Variants in WTAP observed in about 807,000 individuals in gnomAD.
WTAP encodes the protein WT1 associated protein.
WTAP carries 8 observed loss-of-function variants against 50.0 expected under a neutral mutation model. That is an observed-to-expected ratio of 0.16 (90% CI 0.09 to 0.29). The LOEUF (loss-of-function observed/expected upper bound fraction) is 0.29, where lower values mean the gene tolerates loss of function less well. Among genes scored for constraint, WTAP ranks in the 10% least tolerant of loss-of-function variants. The pLI, the probability that WTAP is intolerant of heterozygous loss-of-function variation, is 1.00. For missense variants in WTAP, 295 were observed against 470.7 expected, an observed-to-expected ratio of 0.63 and a Z score of 3.45; for synonymous variants, 194 against 169.0, an observed-to-expected ratio of 1.15 and a Z score of -1.15.
intron 5 of WTAP, among the ~76,000 whole-genome samples, chr6:159,747,705 T>C (rs1562464288): frequency 6.6e-6 from 1 of 152,198 alleles, no homozygotes; most frequent in Non-Finnish European, 1.5e-5. Context: ...CATTAACTCT[T>C]AGGTAATTAA....
intron 1 of WTAP, among the ~76,000 whole-genome samples, chr6:159,732,272 T>C (rs1778620381): frequency 6.6e-6 from 1 of 152,180 alleles, no homozygotes; most frequent in South Asian, 2.1e-4. Context: ...ACAGCATCCA[T>C]GATACTTTAG....
At chr6:159,727,763 T>A in intron 1 of WTAP, 60 bp downstream of exon 1, 1 of 974,002 alleles carries the variant, frequency 1.0e-6, no homozygotes, top group Non-Finnish European at 1.2e-6. Flanking sequence ...TGAGGGCTGA[T>A]GCGCAGCCGC....
intron 1 of WTAP, chr6:159,730,780 A>G (rs915203266): frequency 2.0e-5 from 3 of 152,204 alleles, no homozygotes; most frequent in Non-Finnish European, 4.4e-5. Flanking sequence ...AAGTGTAGAC[A>G]TTTATCCAAA....
chr6:159,743,079 G>C (rs554760101), intron 4 of WTAP, among the ~76,000 whole-genome samples: 70 of 152,188 alleles, frequency 4.6e-4, no homozygotes, highest in African/African-American at 1.7e-3. Flanking sequence ...ACAGGGTCTC[G>C]CACTGTTGCC....
intron 1 of WTAP, among the ~76,000 whole-genome samples, chr6:159,728,827 T>G (rs576535101): frequency 2.6e-5 from 4 of 152,226 alleles, no homozygotes; most frequent in Non-Finnish European, 5.9e-5. Context: ...TTTTATATGT[T>G]AAGGTATCTT....
In WTAP at chr6:159,755,687, T is replaced by A. The variant is rs1779976276; in HGVS notation, c.*76T>A. The stretch of plus-strand genomic sequence containing the variant: ...CTGTCCAGAAAATTAATGCATACTT[T>A]TGTCACAATTTGCCTTTTTGTGGGT... On this transcript the variant is annotated 3_prime_UTR_variant, in exon 8 of 8. Transcript: ENST00000621533. 1.5e-6 allele frequency: 2 copies of A among 1,339,172 alleles called. No individual in the cohort carries two copies. Among genetic ancestry groups the A allele is most frequent in the East Asian group, 5.5e-5 (2 of 36,208 alleles). 83.0% of individuals were successfully genotyped at this position (1,339,172 alleles called of 1,614,324 possible).
At chr6:159,726,951 G>T, upstream of WTAP, 2 of 1,287,760 alleles carry the variant, frequency 1.6e-6, no homozygotes, top group Non-Finnish European at 2.0e-6. Flanking sequence ...CATCACGGAT[G>T]AGCGTCACGA....
Position 159,727,659 on chromosome 6 carries a change from C to G in WTAP, c.-53C>G. On this transcript the variant is annotated 5_prime_UTR_variant, in exon 1 of 8. Transcript: ENST00000621533. ...GGCGGCAGGGCAAGCAGCGCGGCCT[C>G]GGCCTATGCGACCGGTGGCGCCGGC... The G allele has an allele frequency of 1.0e-6, 1 of 985,586 alleles. No individual in the cohort carries two copies. The highest frequency in any genetic ancestry group is 1.2e-6 in the Non-Finnish European group (1 of 830,322). 61.1% of individuals were successfully genotyped at this position (985,586 alleles called of 1,614,324 possible).
upstream of WTAP, chr6:159,727,192 G>C: frequency 8.1e-7 from 1 of 1,231,528 alleles, no homozygotes; most frequent in Non-Finnish European, 1.0e-6. Context: ...GACGGGGAGT[G>C]TTACCGGGGA....
chr6:159,729,881 C>T (rs1419955634), intron 1 of WTAP, among the ~76,000 whole-genome samples: 2 of 152,154 alleles, frequency 1.3e-5, no homozygotes, highest in African/African-American at 4.8e-5. Flanking sequence ...AGTTACCTAA[C>T]TTTATGATGC....
At position 159,748,768 on chromosome 6, in the gene WTAP, T is replaced by G; in HGVS notation, c.452+399T>G. ...TTTGAAGGAATGAAAACCTAGAGAT[T>G]TTAAATCATGAATTGAACATGTAAA... On this transcript the variant is annotated intron_variant, in intron 6 of 7. Coordinates refer to ENST00000621533, the MANE Select transcript of WTAP (RefSeq NM_001270531.2). The surrounding 1 kb of genome is among the most constrained non-coding windows in gnomAD (Gnocchi z 5.6). The G allele has an allele frequency of 9.7e-6, 12 of 1,234,968 alleles. No homozygotes were observed. The highest frequency in any genetic ancestry group is 1.2e-5 in the Non-Finnish European group (12 of 989,902). The allele number at this position is 1,234,968 out of a possible 1,614,324, so 76.5% of individuals were successfully genotyped here. A position where few individuals can be genotyped will look rare whatever the true frequency, so the allele number is the denominator to read the frequency against.
Position 159,727,616 on chromosome 6 carries a change from G to T in WTAP, c.-96G>T, listed in dbSNP as rs1778272023. 1 of 986,232 alleles carries T rather than the reference G, an allele frequency of 1.0e-6. No homozygotes were observed. Among genetic ancestry groups the T allele is most frequent in the Admixed American group, 6.2e-5 (1 of 16,208 alleles). The allele number at this position is 986,232 out of a possible 1,614,324, so 61.1% of individuals were successfully genotyped here. On this transcript the variant is annotated 5_prime_UTR_variant, in exon 1 of 8. Transcript: ENST00000621533. ...CGGCGGCAGAGCTGTCCGGCTGCGC[G>T]GTGGCCCGGGGGGCCCGGGCGGCAG...
At position 159,755,769 on chromosome 6, in the gene WTAP, T is replaced by C. The variant is rs1440714772; in HGVS notation, c.*158T>C. 3 of 749,714 alleles carry C rather than the reference T, an allele frequency of 4.0e-6. No homozygotes were observed. The highest frequency in any genetic ancestry group is 3.4e-6 in the Non-Finnish European group (2 of 585,238). The allele number at this position is 749,714 out of a possible 1,614,324, so 46.4% of individuals were successfully genotyped here. On this transcript the variant is annotated 3_prime_UTR_variant, in exon 8 of 8. Transcript: ENST00000621533. ...TCTTTGTTTTTTTTTTCTTTTCTTT[T>C]TTTTTTTTTTTTTTTTTTTTTGCTT...
At position 159,748,853 on chromosome 6, in the gene WTAP, A is replaced by G. The variant is rs1583102631; in HGVS notation, c.452+484A>G. On this transcript the variant is annotated intron_variant, in intron 6 of 7. Transcript: ENST00000621533. The surrounding 1 kb of genome is among the most constrained non-coding windows in gnomAD (Gnocchi z 5.6). Reference sequence around the variant, plus strand: ...CTCTTAACCTTGAGCATAGTGACTTAGAGACACTGTGTATCAGTTTTGCCA... The same window carrying G: ...CTCTTAACCTTGAGCATAGTGACTTGGAGACACTGTGTATCAGTTTTGCCA... 4 of 1,215,964 alleles carry G rather than the reference A, an allele frequency of 3.3e-6. No individual in the cohort carries two copies. In the East Asian group the frequency reaches 1.3e-4, roughly 40 times the overall value. The allele number at this position is 1,215,964 out of a possible 1,614,324, so 75.3% of individuals were successfully genotyped here.
chr6:159,744,784 A>T (rs1286283329), intron 5 of WTAP, among the ~76,000 whole-genome samples: 1 of 152,066 alleles, frequency 6.6e-6, no homozygotes, highest in Admixed American at 6.6e-5. Flanking sequence ...CAGTGGTGTA[A>T]TCACACCTCA....
chr6:159,751,725 G>A lies in WTAP; in HGVS notation c.453-1735G>A, dbSNP rs548505356. ...GGTTGAACTCTTCAGGTATTTTCTG[G>A]AAGAAAGCTTAATTACAAACTTTTC... On this transcript the variant is annotated intron_variant, in intron 6 of 7. Coordinates refer to ENST00000621533, the MANE Select transcript of WTAP (RefSeq NM_001270531.2). Among the ~76,000 whole-genome samples the A allele has an allele frequency of 4.6e-5, 7 of 152,284 alleles. No homozygotes were observed. In the East Asian group the frequency reaches 7.7e-4, roughly 17 times the overall value.
In WTAP at chr6:159,755,760, C is replaced by CTTTTTTTTTT. The variant is rs1779984995; in HGVS notation, c.*153_*154insTTTTTTTTTT. ...TGTTTTTTTTCTTTGTTTTTTTTTTCTTTTCTTTTTTTTTTTTTTTTTTTT... is the reference window on the plus strand; with the variant it reads ...TGTTTTTTTTCTTTGTTTTTTTTTTCTTTTTTTTTTTTTTCTTTTTTTTTTTTTTTTTTTT... On this transcript the variant is annotated 3_prime_UTR_variant, in exon 8 of 8. Transcript: ENST00000621533. 3.8e-5 allele frequency: 11 copies of CTTTTTTTTTT among 286,806 alleles called. No homozygotes were observed. The highest frequency in any genetic ancestry group is 2.5e-4 in the African/African-American group (5 of 20,040). The allele number at this position is 286,806 out of a possible 1,614,324, so 17.8% of individuals were successfully genotyped here.
At chr6:159,739,996 G>T (rs563625503) in intron 3 of WTAP, among the ~76,000 whole-genome samples, 74 of 150,920 alleles carry the variant, frequency 4.9e-4, no homozygotes, top group African/African-American at 1.4e-3. Context: ...TCAATGCTGG[G>T]TTTTTTTTTG....
chr6:159,752,405 TTTA>T (rs1779854328), intron 6 of WTAP, among the ~76,000 whole-genome samples: 1 of 152,208 alleles, frequency 6.6e-6, no homozygotes, highest in Non-Finnish European at 1.5e-5. Context: ...AATTTCTCCT[TTTA>T]TTGCTGAGGC....
Sources: gnomAD v4.1 joint callset for allele counts (sites outside exome capture counted in the v4.1 genomes callset) on GRCh38, gnomAD v4.1.1 for gene constraint, Gnocchi (gnomAD v3.1) non-coding constraint, MANE v1.5 for transcripts, NCBI Gene and HGNC (gene_info 2026-07-23, HGNC 2026-07-21) for gene names.